The following CTSW variants were observed in gnomAD, a reference collection of about 807,000 sequenced individuals.
The protein encoded by CTSW is cathepsin W.
In CTSW, 42 loss-of-function variants were observed where a neutral mutation model predicts 43.8. That is an observed-to-expected ratio of 0.96 (90% CI 0.75 to 1.24). The LOEUF (loss-of-function observed/expected upper bound fraction) is 1.24, where lower values mean the gene tolerates loss of function less well. CTSW is among the 50% of genes most tolerant of loss of function. The pLI, the probability that CTSW is intolerant of heterozygous loss-of-function variation, is 0.00. For missense variants in CTSW, 475 were observed against 479.9 expected, an observed-to-expected ratio of 0.99 and a Z score of 0.09; for synonymous variants, 191 against 184.8, an observed-to-expected ratio of 1.03 and a Z score of -0.27.
At chr11:65,880,015 A>G in intron 1 of CTSW, 74 bp downstream of exon 1, 2 of 1,390,094 alleles carry the variant, frequency 1.4e-6, no homozygotes, top group Non-Finnish European at 2.0e-6. Flanking sequence ...CTGGCCTGTC[A>G]TTCTCATTTT....
Position 65,883,200 on chromosome 11 carries a change from C to T in CTSW, c.811-15C>T. Reference sequence around the variant, plus strand: ...TTGGCCCCACACTCAGCCCCTCGGCCCCCACCCCCTGCAGCTATACCGGAA... The same window carrying T: ...TTGGCCCCACACTCAGCCCCTCGGCTCCCACCCCCTGCAGCTATACCGGAA... On this transcript the variant is annotated splice_polypyrimidine_tract_variant and intron_variant, in intron 8 of 9. Coordinates refer to ENST00000307886, the MANE Select transcript of CTSW (RefSeq NM_001335.4). The T allele has an allele frequency of 3.7e-6, 6 of 1,613,698 alleles. No individual in the cohort carries two copies. Among genetic ancestry groups the T allele is most frequent in the Non-Finnish European group, 5.1e-6 (6 of 1,179,880 alleles).
In CTSW at chr11:65,883,223, G is replaced by C. The variant is rs1860139070; in HGVS notation, c.819G>C (p.Arg273=). ...TINMKPLQLY[R]KGVIKATPTT... ...GCCCCCACCCCCTGCAGCTATACCG[G>C]AAAGGTGTGATCAAGGCCACACCCA... is the stretch of plus-strand genomic sequence containing the variant. The change falls in exon 9 of 10, where the codon CGG becomes CGC. Residue 273 remains arginine, a synonymous_variant. Coordinates refer to ENST00000307886, the MANE Select transcript of CTSW (RefSeq NM_001335.4). The C allele has an allele frequency of 6.2e-7, 1 of 1,613,656 alleles. No individual in the cohort carries two copies. Among genetic ancestry groups the C allele is most frequent in the Non-Finnish European group, 8.5e-7 (1 of 1,179,846 alleles).
chr11:65,881,371 T>C, intron 2 of CTSW, 36 bp from the exon 3 acceptor site: 1 of 1,468,720 alleles, frequency 6.8e-7, no homozygotes, highest in South Asian at 1.2e-5. Flanking sequence ...CCTAAGGGCT[T>C]GGGAGTCAGC....
intron 8 of CTSW, 26 bp from the exon 9 acceptor site, chr11:65,883,189 A>C: frequency 6.2e-7 from 1 of 1,613,516 alleles, no homozygotes; most frequent in Non-Finnish European, 8.5e-7. Context: ...CCCCACACTC[A>C]GCCCCTCGGC....
chr11:65,882,743 G>A (rs1199867819), intron 6 of CTSW, 36 bp from the exon 7 acceptor site: 5 of 1,614,178 alleles, frequency 3.1e-6, no homozygotes, highest in East Asian at 4.5e-5. Context: ...GGGTGGGCAG[G>A]AGCGGAACCT....
chr11:65,883,230 G>A lies in CTSW; in HGVS notation c.826G>A (p.Val276Met), dbSNP rs776878287. The A allele has an allele frequency of 5.6e-6, 9 of 1,613,766 alleles. 1 individual carries two copies. In the South Asian group the frequency reaches 8.8e-5, roughly 16 times the overall value. The change falls in exon 9 of 10, where the codon GTG becomes ATG. Residue 276 changes from valine to methionine, a missense_variant. By Grantham distance (21) the Val-to-Met change is conservative. Coordinates refer to ENST00000307886, the MANE Select transcript of CTSW (RefSeq NM_001335.4). ...CCCCCTGCAGCTATACCGGAAAGGT[G>A]TGATCAAGGCCACACCCACCACCTG... ...MKPLQLYRKGVIKATPTTCDP... is the reference protein window; with the variant it reads ...MKPLQLYRKGMIKATPTTCDP...
At position 65,883,493 on chromosome 11, in the gene CTSW, C is replaced by A; in HGVS notation, c.1021-15C>A. On this transcript the variant is annotated splice_polypyrimidine_tract_variant and intron_variant, in intron 9 of 9. Coordinates refer to ENST00000307886, the MANE Select transcript of CTSW (RefSeq NM_001335.4). Reference sequence around the variant, plus strand: ...TCTTCCCACCTTCCCGCCCCTATGTCCCCTAACCTCCTAGGGCTATTTCCG... The same window carrying A: ...TCTTCCCACCTTCCCGCCCCTATGTACCCTAACCTCCTAGGGCTATTTCCG... 1 of 1,612,916 alleles carries A rather than the reference C, an allele frequency of 6.2e-7. No homozygotes were observed. Among genetic ancestry groups the A allele is most frequent in the South Asian group, 1.1e-5 (1 of 91,080 alleles).
rs1225560883 is a variant in CTSW at position 65,883,087 on chromosome 11, C to A, written c.764C>A (p.Ala255Asp). 1 of 1,614,084 alleles carries A rather than the reference C, an allele frequency of 6.2e-7. No homozygotes were observed. Among genetic ancestry groups the A allele is most frequent in the Non-Finnish European group, 8.5e-7 (1 of 1,180,014 alleles). ...TCCCCAGGAATTGCGCAGTACCTGG[C>A]CACTTATGGCCCCATCACCGTGACC... Reference protein sequence around the residue: ...NNEHRIAQYLATYGPITVTIN... With the variant: ...NNEHRIAQYLDTYGPITVTIN... The change falls in exon 8 of 10, where the codon GCC (alanine) becomes GAC (aspartate). Residue 255 changes from alanine to aspartate, a missense_variant. Coordinates refer to ENST00000307886, the MANE Select transcript of CTSW (RefSeq NM_001335.4).
At position 65,883,245 on chromosome 11, in the gene CTSW, C is replaced by A. The variant is rs1024014882; in HGVS notation, c.841C>A (p.Pro281Thr). ...CCGGAAAGGTGTGATCAAGGCCACA[C>A]CCACCACCTGTGACCCCCAGCTTGT... ...LYRKGVIKATPTTCDPQLVDH... is the reference protein window; with the variant it reads ...LYRKGVIKATTTTCDPQLVDH... Residue 281 changes from proline (P) to threonine (T), a missense_variant, in exon 9 of 10, where the codon CCC (proline) becomes ACC (threonine). Pro to Thr is a conservative substitution (Grantham distance 38). Transcript: ENST00000307886. 6.2e-7 allele frequency: 1 copy of A among 1,613,772 alleles called. No individual in the cohort carries two copies. The highest frequency in any genetic ancestry group is 2.2e-5 in the East Asian group (1 of 44,884).
intron 3 of CTSW, among the ~76,000 whole-genome samples, 186 bp from the exon 4 acceptor site, chr11:65,881,989 G>A (rs1860111910): frequency 6.6e-6 from 1 of 152,154 alleles, no homozygotes; most frequent in Non-Finnish European, 1.5e-5. Flanking sequence ...TCGGACTCCT[G>A]ACCTCAAGTG....
In CTSW at chr11:65,883,371, C is replaced by A; in HGVS notation, c.967C>A (p.Pro323Thr). ...SSQSQPQPPH[P>T]TPYWILKNSW... ...GCAGTCTCAGCCTCAGCCTCCACAC[C>A]CCACCCCATACTGGATCCTGAAGAA... Residue 323 changes from proline to threonine, a missense_variant, in exon 9 of 10, where the codon CCC becomes ACC. Transcript: ENST00000307886. 1 of 1,614,100 alleles carries A rather than the reference C, an allele frequency of 6.2e-7. No individual in the cohort carries two copies. The highest frequency in any genetic ancestry group is 8.5e-7 in the Non-Finnish European group (1 of 1,179,998).
intron 1 of CTSW, 57 bp from the exon 2 acceptor site, chr11:65,880,145 G>C (rs1288143660): frequency 1.3e-6 from 2 of 1,534,212 alleles, no homozygotes; most frequent in East Asian, 2.2e-5. Flanking sequence ...ACTAAGGTGG[G>C]GCCCCAGCAA....
Position 65,882,592 on chromosome 11 carries a change from G to A in CTSW, c.539-17G>A. 6.2e-7 allele frequency: 1 copy of A among 1,614,178 alleles called. No homozygotes were observed. Among genetic ancestry groups the A allele is most frequent in the South Asian group, 1.1e-5 (1 of 91,088 alleles). On this transcript the variant is annotated splice_polypyrimidine_tract_variant and intron_variant, in intron 5 of 9. Transcript: ENST00000307886. ...GCCTAGGGGCCTGGTCACCCACACT[G>A]TCCCTTCTTGCACCAGAACTGCTGG...
At position 65,883,517 on chromosome 11, in the gene CTSW, C is replaced by T. The variant is rs373500922; in HGVS notation, c.1030C>T (p.Arg344Trp). The change falls in exon 10 of 10, where the codon CGG becomes TGG. Residue 344 changes from arginine (R) to tryptophan (W), a missense_variant. By Grantham distance (101) the Arg-to-Trp change is moderately radical. Coordinates refer to ENST00000307886, the MANE Select transcript of CTSW (RefSeq NM_001335.4). ...GAQWGEKGYF[R>W]LHRGSNTCGI... is the part of the protein sequence containing the mutation. ...TCCCCTAACCTCCTAGGGCTATTTC[C>T]GGCTGCACCGAGGGAGCAATACCTG... 2.2e-5 allele frequency: 36 copies of T among 1,613,768 alleles called. No homozygotes were observed. Among genetic ancestry groups the T allele is most frequent in the Non-Finnish European group, 2.9e-5 (34 of 1,179,726 alleles).
In CTSW at chr11:65,882,686, AAC is replaced by A. The variant is rs1336149360; in HGVS notation, c.618_619del (p.Asn206LysfsTer6). ...VWDAFITVLN[N>X]SGLASEKDYP... ...GGACGCGTTCATAACTGTCCTCAAC[AAC>A]AGTGAGTGCACTGCCCCGCCACTCT... On this transcript the variant is annotated frameshift_variant and splice_region_variant, in exon 6 of 10. Coordinates refer to ENST00000307886, the MANE Select transcript of CTSW (RefSeq NM_001335.4). LOFTEE classifies it high-confidence loss of function. 31 of 1,613,912 alleles carry A rather than the reference AAC, an allele frequency of 1.9e-5. No individual in the cohort carries two copies. The highest frequency in any genetic ancestry group is 5.1e-6 in the Non-Finnish European group (6 of 1,180,008).
In CTSW at chr11:65,883,114, T is replaced by G. The variant is rs768902893; in HGVS notation, c.791T>G (p.Ile264Ser). 1.9e-6 allele frequency: 3 copies of G among 1,613,844 alleles called. No homozygotes were observed. The highest frequency in any genetic ancestry group is 2.2e-5 in the East Asian group (1 of 44,890). Residue 264 changes from isoleucine (I) to serine (S), a missense_variant, in exon 8 of 10, where the codon ATC becomes AGC. Physicochemically the swap from Ile to Ser is moderately radical, Grantham distance 142 (BLOSUM62 -2). Transcript: ENST00000307886. Reference sequence around the variant, plus strand: ...ACTTATGGCCCCATCACCGTGACCATCAACATGAAGCCCCTTCAGGTGAGA... The same window carrying G: ...ACTTATGGCCCCATCACCGTGACCAGCAACATGAAGCCCCTTCAGGTGAGA... ...LATYGPITVT[I>S]NMKPLQLYRK...
At chr11:65,881,329 G>T in intron 2 of CTSW, 78 bp from the exon 3 acceptor site, 1 of 970,114 alleles carries the variant, frequency 1.0e-6, no homozygotes. Flanking sequence ...GGTGTGGGTG[G>T]AAGGGTGCCC....
chr11:65,883,724 A>G lies in CTSW; in HGVS notation c.*106A>G, dbSNP rs1380787551. ...CCCAATCTCAATACAGCCTGAATAA[A>G]CCAAGACAAGACCTCTGGCTTGTGA... On this transcript the variant is annotated 3_prime_UTR_variant, in exon 10 of 10. Coordinates refer to ENST00000307886, the MANE Select transcript of CTSW (RefSeq NM_001335.4). The G allele has an allele frequency of 1.4e-5, 15 of 1,051,170 alleles. No homozygotes were observed. The highest frequency in any genetic ancestry group is 5.9e-5 in the Admixed American group (3 of 50,898). The allele number at this position is 1,051,170 out of a possible 1,614,324, so 65.1% of individuals were successfully genotyped here.
Position 65,881,402 on chromosome 11 carries a change from T to C in CTSW, c.173-5T>C. 1 of 1,585,654 alleles carries C rather than the reference T, an allele frequency of 6.3e-7. No individual in the cohort carries two copies. The highest frequency in any genetic ancestry group is 1.3e-5 in the African/African-American group (1 of 74,244). ...TCAGCCTAGGACAACTCCCTTTTGGTCCAGAGCATGCTCACCGCCTGGACA... is the reference window on the plus strand; with the variant it reads ...TCAGCCTAGGACAACTCCCTTTTGGCCCAGAGCATGCTCACCGCCTGGACA... On this transcript the variant is annotated splice_polypyrimidine_tract_variant and splice_region_variant and intron_variant, in intron 2 of 9. Coordinates refer to ENST00000307886, the MANE Select transcript of CTSW (RefSeq NM_001335.4).
Sources: allele counts gnomAD v4.1 joint callset (sites outside exome capture counted in the v4.1 genomes callset), GRCh38; gene constraint gnomAD v4.1.1; transcripts MANE v1.5; gene names NCBI Gene and HGNC (gene_info 2026-07-23, HGNC 2026-07-21).